Variants in EDA observed in about 807,000 individuals in gnomAD.
The protein encoded by EDA is ectodysplasin-A.
A neutral mutation model predicts 23.6 loss-of-function variants in EDA; 2 were observed. That is an observed-to-expected ratio of 0.08 (90% CI 0.03 to 0.27). The LOEUF is 0.27. EDA is among the 10% of genes least tolerant of loss of function. The pLI is 1.00. For synonymous variants in EDA, 131 were observed against 132.0 expected, an observed-to-expected ratio of 0.99 and a Z score of 0.05; for missense variants, 229 against 324.2, an observed-to-expected ratio of 0.71 and a Z score of 2.26.
intron 1 of EDA, among the ~76,000 whole-genome samples, chrX:69,907,576 T>G (rs929407281): frequency 9.0e-6 from 1 of 111,360 alleles, no homozygotes; most frequent in African/African-American, 3.3e-5. Context: ...ATTCTATAAA[T>G]AGTATCAGGA....
intron 1 of EDA, among the ~76,000 whole-genome samples, chrX:69,810,257 CAAAAAAAAAAAAAAAAAAAAAAAAAAAAA>C (rs1160638267): frequency 1.5e-3 from 25 of 17,174 alleles, no homozygotes; most frequent in African/African-American, 4.4e-3. Flanking sequence ...GACTCCATCT[CAAAAAAAAAAAAAAAAAAAAAAAAAAAAA>C]AAAAAAAAAA....
chrX:69,829,918 G>A (rs1404290359), intron 1 of EDA, among the ~76,000 whole-genome samples: 2 of 111,626 alleles, frequency 1.8e-5, no homozygotes, highest in African/African-American at 6.5e-5. Context: ...ATCTTTCTAA[G>A]CAAAACATTT....
At chrX:69,917,847 G>A (rs888522322) in intron 1 of EDA, among the ~76,000 whole-genome samples, 1 of 110,859 alleles carries the variant, frequency 9.0e-6, no homozygotes, top group African/African-American at 3.3e-5. Flanking sequence ...AAACTCCTAC[G>A]TAAGCATGAA....
intron 1 of EDA, among the ~76,000 whole-genome samples, chrX:69,943,045 T>G (rs2018784282): frequency 1.8e-5 from 2 of 111,107 alleles, no homozygotes; most frequent in Non-Finnish European, 3.8e-5. Context: ...TTCTTTATTC[T>G]TTTGTTTCAA....
At chrX:69,702,585 CT>C (rs767436483) in intron 1 of EDA, among the ~76,000 whole-genome samples, 2 of 108,982 alleles carry the variant, frequency 1.8e-5, no homozygotes, top group East Asian at 5.8e-4. Flanking sequence ...GCTTGGGGGA[CT>C]AAAGGTGGTT....
At chrX:69,663,766 C>G (rs1933591754) in intron 1 of EDA, among the ~76,000 whole-genome samples, 1 of 112,393 alleles carries the variant, frequency 8.9e-6, no homozygotes, top group Admixed American at 9.4e-5. Flanking sequence ...GGGGCTGTAC[C>G]CTGCAAAGCC....
At chrX:69,785,683 A>C (rs1373715752) in intron 1 of EDA, among the ~76,000 whole-genome samples, 1 of 107,812 alleles carries the variant, frequency 9.3e-6, no homozygotes, top group East Asian at 2.8e-4. Flanking sequence ...TGTGCTGCTG[A>C]ATTCGATTTG....
chrX:69,902,521 A>G (rs1193535597), intron 1 of EDA, among the ~76,000 whole-genome samples: 2 of 111,476 alleles, frequency 1.8e-5, no homozygotes, highest in Non-Finnish European at 3.8e-5. Context: ...CTGTAATGAA[A>G]CAACAAGCTG....
intron 1 of EDA, among the ~76,000 whole-genome samples, chrX:69,822,150 TG>T (rs959904418): frequency 1.8e-5 from 2 of 110,405 alleles, no homozygotes; most frequent in African/African-American, 6.6e-5. Context: ...TTACGTATGG[TG>T]GTGCACGCCT....
chrX:69,780,978 T>A (rs1189189467), intron 1 of EDA, among the ~76,000 whole-genome samples: 2 of 112,209 alleles, frequency 1.8e-5, no homozygotes, highest in Non-Finnish European at 3.8e-5. Context: ...GTACATTTTA[T>A]ATAAATAGAA....
rs1462060499 is a variant in EDA at position 69,834,454 on chromosome X, T to A, written c.397-122573T>A. 9.9e-5 allele frequency among the ~76,000 whole-genome samples: 11 copies of A among 111,280 alleles called. No individual in the cohort carries two copies. In the South Asian group the frequency reaches 3.8e-3, roughly 39 times the overall value. On this transcript the variant is annotated intron_variant, in intron 1 of 7. Coordinates refer to ENST00000374552, the MANE Select transcript of EDA (RefSeq NM_001399.5). ...TGTTGAATTGATCCCTTGACCATTA[T>A]GTAATGGCCTTCTTTGTCTCTTTTG...
At chrX:69,992,882 A>G (rs770481884) in intron 2 of EDA, among the ~76,000 whole-genome samples, 1 of 112,167 alleles carries the variant, frequency 8.9e-6, no homozygotes, top group Non-Finnish European at 1.9e-5. Flanking sequence ...CTTTCCCTAC[A>G]CTAAAGTCAT....
At chrX:70,011,332 C>CTT (rs749449651) in intron 2 of EDA, among the ~76,000 whole-genome samples, 5 of 96,686 alleles carry the variant, frequency 5.2e-5, no homozygotes, top group Non-Finnish European at 4.2e-5. Flanking sequence ...TGCATTTTCG[C>CTT]TTTTTTTTTT....
intron 1 of EDA, among the ~76,000 whole-genome samples, chrX:69,717,485 G>A (rs1232598527): frequency 2.8e-5 from 3 of 108,104 alleles, no homozygotes; most frequent in Non-Finnish European, 3.8e-5. Context: ...GATATGGTTC[G>A]GGTCTGTGTC....
At chrX:69,937,427 G>A (rs920990860) in intron 1 of EDA, 10 of 752,729 alleles carry the variant, frequency 1.3e-5, no homozygotes, top group Non-Finnish European at 2.1e-5. Context: ...TCTTCATGAG[G>A]TACTTCACAT....
intron 1 of EDA, among the ~76,000 whole-genome samples, chrX:69,852,502 G>T (rs2017158646): frequency 9.0e-6 from 1 of 111,482 alleles, no homozygotes; most frequent in Non-Finnish European, 1.9e-5. Flanking sequence ...AGTAAACTAG[G>T]GGTAGTGAGC....
At chrX:69,648,943 C>T (rs762182977) in intron 1 of EDA, among the ~76,000 whole-genome samples, 9 of 111,427 alleles carry the variant, frequency 8.1e-5, no homozygotes, top group Middle Eastern at 4.2e-3. Context: ...GTGGGAGAAA[C>T]GTGGTTTCCT....
chrX:69,740,538 A>G (rs2013423804), intron 1 of EDA, among the ~76,000 whole-genome samples: 1 of 110,648 alleles, frequency 9.0e-6, no homozygotes, highest in African/African-American at 3.3e-5. Flanking sequence ...GTTCCCTTGT[A>G]TGTGATGAGT....
At chrX:69,719,265 CT>C (rs1329909308) in intron 1 of EDA, among the ~76,000 whole-genome samples, 2 of 100,074 alleles carry the variant, frequency 2.0e-5, no homozygotes, top group Non-Finnish European at 4.1e-5. Flanking sequence ...TATTGATTTT[CT>C]TTTTTATTGC....
Sources: gnomAD v4.1 joint callset for allele counts (sites outside exome capture counted in the v4.1 genomes callset) on GRCh38, gnomAD v4.1.1 for gene constraint, MANE v1.5 for transcripts, NCBI Gene and HGNC (gene_info 2026-07-23, HGNC 2026-07-21) for gene names.